Variants in MEGF11 observed in about 807,000 individuals in gnomAD.
The protein encoded by MEGF11 is multiple epidermal growth factor-like domains protein 11.
MEGF11 carries 126 observed loss-of-function variants against 146.6 expected under a neutral mutation model. The observed-to-expected ratio is 0.86, with a 90% confidence interval of 0.74 to 1.00. The LOEUF is 1.00. Ranked by LOEUF, MEGF11 falls within the 50% of genes least tolerant of loss-of-function variation. MEGF11 has a pLI of 0.00. For missense variants in MEGF11, 1,509 were observed against 1,521.2 expected (o/e 0.99, Z 0.13); for synonymous variants, 532 against 583.4 (o/e 0.91, Z 1.27).
chr15:65,982,441 A>G lies in MEGF11; in HGVS notation c.442T>C (p.Cys148Arg), dbSNP rs1396037854. The G allele has an allele frequency of 2.7e-6, 4 of 1,495,306 alleles. No homozygotes were observed. The highest frequency in any genetic ancestry group is 3.6e-6 in the Non-Finnish European group (4 of 1,120,386). The allele number at this position is 1,495,306 out of a possible 1,614,324, so 92.6% of individuals were successfully genotyped here. A position where few individuals can be genotyped will look rare whatever the true frequency, so the allele number is the denominator to read the frequency against. ...WGPHCSNRCQ[C>R]QNGALCNPIT... ...GGGTTACACAGGGCGCCGTTCTGGC[A>G]CTGGCACCGGTTGCTGCAGTGGGGC... The change falls in exon 6 of 26, where the codon TGC becomes CGC. Residue 148 changes from cysteine (C) to arginine (R), a missense_variant. Transcript: ENST00000395614. This position sits in a 1 kb window ranked among gnomAD's most constrained non-coding sequence, Gnocchi z 5.6.
intron 1 of MEGF11, among the ~76,000 whole-genome samples, chr15:66,171,976 C>T (rs1040036816): frequency 6.6e-6 from 1 of 152,228 alleles, no homozygotes; most frequent in Non-Finnish European, 1.5e-5. Context: ...CAGAGCCTGG[C>T]TCACCTCACA....
intron 1 of MEGF11, among the ~76,000 whole-genome samples, chr15:66,252,628 G>A (rs1322581076): frequency 6.6e-6 from 1 of 152,216 alleles, no homozygotes; most frequent in East Asian, 1.9e-4. Context: ...CGGCGCTCCC[G>A]GGCTCAGGAC....
intron 1 of MEGF11, among the ~76,000 whole-genome samples, chr15:66,158,229 G>A (rs1413381927): frequency 6.6e-6 from 1 of 152,224 alleles, no homozygotes; most frequent in African/African-American, 2.4e-5. Context: ...TGCAAATCCT[G>A]AGCTGGCATC....
At chr15:66,001,285 C>T (rs2082359882) in intron 5 of MEGF11, among the ~76,000 whole-genome samples, 2 of 152,144 alleles carry the variant, frequency 1.3e-5, no homozygotes, top group Admixed American at 1.3e-4. Context: ...ACAACCTGAA[C>T]ATCTGTACCT....
At chr15:66,127,855 T>C (rs75840915) in intron 2 of MEGF11, among the ~76,000 whole-genome samples, 34,335 of 151,930 alleles carry the variant, frequency 0.23, 4,278 homozygotes, top group South Asian at 0.42. Context: ...TCACCCGTCC[T>C]CCTCAGGGCA....
intron 5 of MEGF11, among the ~76,000 whole-genome samples, chr15:65,988,645 C>A (rs1477845814): frequency 2.6e-5 from 4 of 152,192 alleles, no homozygotes; most frequent in South Asian, 4.1e-4. Flanking sequence ...TGTTTTGATG[C>A]CGTTATGGAC....
At chr15:66,001,662 C>T (rs1315223591) in intron 5 of MEGF11, among the ~76,000 whole-genome samples, 1 of 151,976 alleles carries the variant, frequency 6.6e-6, no homozygotes, top group Non-Finnish European at 1.5e-5. Flanking sequence ...TCTCCCCTCT[C>T]AATGGCTGGG....
At chr15:65,938,857 A>G (rs1043345952) in intron 10 of MEGF11, among the ~76,000 whole-genome samples, 9 of 152,224 alleles carry the variant, frequency 5.9e-5, no homozygotes, top group Non-Finnish European at 1.0e-4. Flanking sequence ...TGTATGTTCT[A>G]TTAAATTTGT....
chr15:66,189,454 G>A lies in MEGF11; in HGVS notation c.-8-61043C>T, dbSNP rs796587822. On this transcript the variant is annotated intron_variant, in intron 1 of 25. Transcript: ENST00000395614. Reference sequence around the variant, plus strand: ...GGGCCTGCGTTGTTATCCCCATTGCGCACATGGGGAAGCTGAGGTTGAGGC... The same window carrying A: ...GGGCCTGCGTTGTTATCCCCATTGCACACATGGGGAAGCTGAGGTTGAGGC... Among the ~76,000 whole-genome samples the A allele has an allele frequency of 1.5e-4, 23 of 152,256 alleles. 3 individuals are homozygous for A. Among genetic ancestry groups the A allele is most frequent in the African/African-American group, 5.1e-4 (21 of 41,542 alleles).
intron 8 of MEGF11, among the ~76,000 whole-genome samples, chr15:65,969,459 T>C (rs2141601471): frequency 6.6e-6 from 1 of 152,292 alleles, no homozygotes; most frequent in South Asian, 2.1e-4. Flanking sequence ...CCACGTTCTA[T>C]GCTGGGGAAC....
At chr15:65,970,283 T>C (rs1451440337) in intron 8 of MEGF11, among the ~76,000 whole-genome samples, 1 of 152,040 alleles carries the variant, frequency 6.6e-6, no homozygotes. Flanking sequence ...GTGCAGAGAG[T>C]AGAGAGTGGG....
At chr15:66,013,514 T>C (rs374303965) in intron 5 of MEGF11, among the ~76,000 whole-genome samples, 3 of 152,196 alleles carry the variant, frequency 2.0e-5, no homozygotes, top group South Asian at 2.1e-4. Context: ...GACATGCACA[T>C]TCTAATCTAA....
intron 5 of MEGF11, among the ~76,000 whole-genome samples, chr15:66,088,234 T>C (rs2086189393): frequency 6.6e-6 from 1 of 152,202 alleles, no homozygotes; most frequent in African/African-American, 2.4e-5. Context: ...CACAGCTGAA[T>C]TCTACTAGAC....
At chr15:65,932,627 G>A (rs2079619201) in intron 10 of MEGF11, among the ~76,000 whole-genome samples, 1 of 152,040 alleles carries the variant, frequency 6.6e-6, no homozygotes, top group African/African-American at 2.4e-5. Context: ...GCTGAAGGGA[G>A]GAGTGAAGGA....
Position 65,930,830 on chromosome 15 carries a change from G to A in MEGF11, c.1401C>T (p.Cys467=). ...TCSPVDGSCT[C]KEGWQGLDCT... ...GGAGAGAGGGCACATTACCTTCCTT[G>A]CAGGTACAGGAGCCATCTACTGGGG... Residue 467 remains cysteine (C), a synonymous_variant, in exon 11 of 26, where the codon TGC becomes TGT. Transcript: ENST00000395614. 6.2e-7 allele frequency: 1 copy of A among 1,607,372 alleles called. No individual in the cohort carries two copies. Among genetic ancestry groups the A allele is most frequent in the Non-Finnish European group, 8.5e-7 (1 of 1,176,378 alleles).
rs151038656 is a variant in MEGF11, at chr15:66,049,201, C to T, written c.394+45201G>A. Among the ~76,000 whole-genome samples, 131 of 152,302 alleles carry T rather than the reference C, an allele frequency of 8.6e-4. 1 individual carries two copies. Among genetic ancestry groups the T allele is most frequent in the African/African-American group, 2.9e-3 (119 of 41,554 alleles). On this transcript the variant is annotated intron_variant, in intron 5 of 25. Coordinates refer to ENST00000395614, the MANE Select transcript of MEGF11 (RefSeq NM_001385028.1). The stretch of plus-strand genomic sequence containing the variant: ...TTTCCTGGACTGACTGCAAACCAGG[C>T]GAGGATCCACTTATTCTCAGGAGGG...
At chr15:66,156,869 T>A (rs73469749) in intron 1 of MEGF11, among the ~76,000 whole-genome samples, 1 of 152,052 alleles carries the variant, frequency 6.6e-6, no homozygotes, top group African/African-American at 2.4e-5. Context: ...GGAAATGAAC[T>A]TCCCCAGGTC....
rs566529084 is a variant in MEGF11, at chr15:66,103,495, C to G, written c.302-9001G>C. ...AGGATTAAATGAGTTAGTAATGAGG[C>G]CTAGCGTATAGTTTGTGCTATGTAA... On this transcript the variant is annotated intron_variant, in intron 4 of 25. Coordinates refer to ENST00000395614, the MANE Select transcript of MEGF11 (RefSeq NM_001385028.1). Among the ~76,000 whole-genome samples the G allele has an allele frequency of 2.0e-5, 3 of 152,122 alleles. No individual in the cohort carries two copies. In the South Asian group the frequency reaches 6.2e-4, roughly 32 times the overall value.
At position 65,943,114 on chromosome 15, in the gene MEGF11, G is replaced by A. The variant is rs1479815383; in HGVS notation, c.1288-12171C>T. On this transcript the variant is annotated intron_variant, in intron 10 of 25. Transcript: ENST00000395614. ...CGATTCTCCTGCCTCAGCCTCCCGA[G>A]TAGCTGGGAGGCACATGCCACCAGG... Among the ~76,000 whole-genome samples, 5 of 150,764 alleles carry A rather than the reference G, an allele frequency of 3.3e-5. No homozygotes were observed. The Admixed American group carries it at 3.3e-4, about 10-fold the overall frequency.
Sources: allele counts gnomAD v4.1 joint callset (sites outside exome capture counted in the v4.1 genomes callset), GRCh38; gene constraint gnomAD v4.1.1; non-coding constraint Gnocchi (gnomAD v3.1); transcripts MANE v1.5; gene names NCBI Gene and HGNC (gene_info 2026-07-23, HGNC 2026-07-21).